The following KIAA1671 variants were observed in gnomAD, a reference collection of about 807,000 sequenced individuals.
KIAA1671 encodes KIAA1671.
KIAA1671 carries 52 observed loss-of-function variants against 131.2 expected under a neutral mutation model. That is an observed-to-expected ratio of 0.40 (90% confidence interval 0.32 to 0.50). The LOEUF (loss-of-function observed/expected upper bound fraction) is 0.50, where lower values mean the gene tolerates loss of function less well. Among genes scored for constraint, KIAA1671 ranks in the 20% least tolerant of loss-of-function variants. The probability of loss-of-function intolerance (pLI) is 0.73; values close to 1 mark genes in which losing one functional copy is unlikely to be tolerated. For synonymous variants in KIAA1671, 1,003 were observed against 961.6 expected (o/e 1.04, Z -0.80); for missense variants, 2,360 against 2,364.2 (o/e 1.00, Z 0.04).
chr22:25,047,533 T>G (rs1602097263), intron 5 of KIAA1671, among the ~76,000 whole-genome samples: 1 of 143,456 alleles, frequency 7.0e-6, no homozygotes, highest in Non-Finnish European at 1.5e-5. Context: ...AGTGCAGTGG[T>G]GTGATGTCGG....
chr22:25,000,480 A>G (rs902651987), intron 1 of KIAA1671, among the ~76,000 whole-genome samples: 1 of 67,042 alleles, frequency 1.5e-5, no homozygotes, highest in Non-Finnish European at 3.1e-5. Context: ...GGCGTGAGCC[A>G]CCGCGCCCGG....
Position 25,049,221 on chromosome 22 carries a change from G to A in KIAA1671, c.4396-9G>A. ...CAGTAAAGTCCTTTTCTTGTGCTCT[G>A]TGTTTCAGGTGCTGCCACGGGACCT... On this transcript the variant is annotated splice_polypyrimidine_tract_variant and intron_variant, in intron 5 of 12. Transcript: ENST00000358431. The A allele has an allele frequency of 1.9e-6, 3 of 1,551,606 alleles. No individual in the cohort carries two copies. The highest frequency in any genetic ancestry group is 4.9e-5 in the East Asian group (2 of 40,900).
At chr22:25,099,250 C>A (rs1459722744) in intron 6 of KIAA1671, among the ~76,000 whole-genome samples, 1 of 152,054 alleles carries the variant, frequency 6.6e-6, no homozygotes, top group East Asian at 1.9e-4. Context: ...AGAAGGGTAC[C>A]GTTTTTCTCC....
chr22:25,185,516 A>C (rs1934446043), intron 11 of KIAA1671: 1 of 182,822 alleles, frequency 5.5e-6, no homozygotes, highest in Non-Finnish European at 1.1e-5. Flanking sequence ...GGGAAGGTGG[A>C]TCAAAGGGCA....
chr22:24,997,701 C>A (rs907241933), intron 1 of KIAA1671, among the ~76,000 whole-genome samples: 3 of 151,860 alleles, frequency 2.0e-5, no homozygotes, highest in Admixed American at 1.3e-4. Flanking sequence ...GGAGGCCACT[C>A]GAAGTTTGGG....
chr22:25,000,718 T>C (rs1352739105), intron 1 of KIAA1671, among the ~76,000 whole-genome samples: 1 of 151,718 alleles, frequency 6.6e-6, no homozygotes, highest in African/African-American at 2.4e-5. Context: ...GGTTTCATCA[T>C]GTTGGCCGGG....
rs554487284 is a variant in KIAA1671 at position 25,191,375 on chromosome 22, C to T, written c.*4+591C>T. Among the ~76,000 whole-genome samples the T allele has an allele frequency of 7.9e-5, 12 of 152,068 alleles. No homozygotes were observed. In the East Asian group the frequency reaches 1.9e-3, roughly 25 times the overall value. ...TTCACCATGTTGGACAGGCTGGTCT[C>T]GAACTCCTGACCTCAGGTGATCCAT... is the stretch of plus-strand genomic sequence containing the variant. On this transcript the variant is annotated intron_variant, in intron 12 of 12. Transcript: ENST00000358431.
chr22:25,187,662 A>T (rs1247956824), intron 11 of KIAA1671, among the ~76,000 whole-genome samples: 1 of 152,142 alleles, frequency 6.6e-6, no homozygotes, highest in Non-Finnish European at 1.5e-5. Context: ...GTTGTGTGCC[A>T]CCATGACTGG....
chr22:24,959,555 TC>T (rs1215672136), intron 1 of KIAA1671, among the ~76,000 whole-genome samples: 1 of 148,056 alleles, frequency 6.8e-6, no homozygotes, highest in Admixed American at 6.8e-5. Flanking sequence ...TAACAAACAA[TC>T]GAGGCACATA....
rs1934842543 is a variant in KIAA1671 at position 25,196,792 on chromosome 22, G to T, written c.*4391G>T. 1 of 151,822 alleles carries T rather than the reference G, an allele frequency of 6.6e-6. No individual in the cohort carries two copies. Among genetic ancestry groups the T allele is most frequent in the African/African-American group, 2.4e-5 (1 of 41,284 alleles). The allele number at this position is 151,822 out of a possible 1,614,324, so 9.4% of individuals were successfully genotyped here. ...ATAGCCTTATAGATCCTGTAAATAG[G>T]GGGGGTCACAAAAGTAATATATTGT... On this transcript the variant is annotated 3_prime_UTR_variant, in exon 13 of 13. Coordinates refer to ENST00000358431, the MANE Select transcript of KIAA1671 (RefSeq NM_001145206.2).
intron 6 of KIAA1671, among the ~76,000 whole-genome samples, chr22:25,151,910 T>C (rs1195524418): frequency 1.3e-5 from 2 of 152,102 alleles, no homozygotes; most frequent in Non-Finnish European, 2.9e-5. Context: ...GGCTAGTTTT[T>C]GTATTTTTAT....
chr22:25,038,121 G>A (rs1926715824), intron 4 of KIAA1671, among the ~76,000 whole-genome samples: 3 of 152,102 alleles, frequency 2.0e-5, no homozygotes, highest in Non-Finnish European at 4.4e-5. Flanking sequence ...ACAGGTTTGA[G>A]CCACCGCACC....
intron 6 of KIAA1671, among the ~76,000 whole-genome samples, chr22:25,085,516 C>CG (rs1209742300): frequency 6.6e-6 from 1 of 150,958 alleles, no homozygotes; most frequent in Non-Finnish European, 1.5e-5. Flanking sequence ...ACCTCCCCCC[C>CG]CATAACCCCC....
intron 1 of KIAA1671, among the ~76,000 whole-genome samples, chr22:24,965,581 A>G (rs892779945): frequency 1.8e-4 from 28 of 151,798 alleles, no homozygotes; most frequent in African/African-American, 6.0e-4. Context: ...TTTGCTAAAA[A>G]TACAAAAAAA....
chr22:24,957,026 C>T (rs1441748267), intron 1 of KIAA1671, among the ~76,000 whole-genome samples: 1 of 152,176 alleles, frequency 6.6e-6, no homozygotes, highest in Non-Finnish European at 1.5e-5. Context: ...ATAGGATACT[C>T]CCATTCTCAA....
At chr22:25,125,014 C>T (rs1273229446) in intron 6 of KIAA1671, among the ~76,000 whole-genome samples, 2 of 152,214 alleles carry the variant, frequency 1.3e-5, no homozygotes, top group Non-Finnish European at 1.5e-5. Flanking sequence ...CTGCTTCAGC[C>T]TCCCAAAGTG....
chr22:25,183,609 G>A (rs1027640349), intron 10 of KIAA1671, among the ~76,000 whole-genome samples: 2 of 151,370 alleles, frequency 1.3e-5, no homozygotes, highest in Non-Finnish European at 2.9e-5. Flanking sequence ...TGCAAGCTCC[G>A]CCTCCCGGGT....
intron 1 of KIAA1671, among the ~76,000 whole-genome samples, chr22:24,995,073 C>T (rs1400730325): frequency 8.1e-5 from 12 of 148,632 alleles, no homozygotes; most frequent in Non-Finnish European, 1.3e-4. Context: ...TAATTTGAGA[C>T]AGAATCTCGC....
chr22:25,002,212 G>C (rs1216450757), intron 1 of KIAA1671, among the ~76,000 whole-genome samples: 1 of 152,160 alleles, frequency 6.6e-6, no homozygotes, highest in Non-Finnish European at 1.5e-5. Flanking sequence ...TGGAGTTTTT[G>C]CTCCTGGTAA....
Sources: gnomAD v4.1 joint callset for allele counts (sites outside exome capture counted in the v4.1 genomes callset) on GRCh38, gnomAD v4.1.1 for gene constraint, MANE v1.5 for transcripts, NCBI Gene and HGNC (gene_info 2026-07-23, HGNC 2026-07-21) for gene names.